NTRK3: variants seen among roughly 807,000 people sequenced by gnomAD.
NTRK3 encodes neurotrophic receptor tyrosine kinase 3.
A neutral mutation model predicts 91.7 loss-of-function variants in NTRK3; 24 were observed. That is an observed-to-expected ratio of 0.26 (90% CI 0.19 to 0.37). The LOEUF is 0.37. Ranked by LOEUF, NTRK3 falls within the 10% of genes least tolerant of loss-of-function variation. NTRK3 has a pLI of 1.00. For missense variants in NTRK3, 880 were observed against 1,068.9 expected (o/e 0.82, Z 2.46); for synonymous variants, 483 against 404.0 (o/e 1.20, Z -2.34).
At chr15:88,095,673 A>G (rs946640617) in intron 13 of NTRK3, among the ~76,000 whole-genome samples, 2 of 152,224 alleles carry the variant, frequency 1.3e-5, no homozygotes, top group African/African-American at 4.8e-5. Flanking sequence ...AACCCTCCCC[A>G]GGTTTAGAAG....
chr15:87,935,254 T>C (rs1244676863), intron 15 of NTRK3, among the ~76,000 whole-genome samples: 2 of 151,904 alleles, frequency 1.3e-5, no homozygotes, highest in Admixed American at 1.3e-4. Flanking sequence ...GCCAACAGAG[T>C]GGCTGAGCCC....
exon 19 of NTRK3, chr15:87,876,569 A>C (rs1265632706): frequency 4.4e-6 from 1 of 225,068 alleles, no homozygotes; most frequent in Non-Finnish European, 8.8e-6. Context: ...GCCACAGCTT[A>C]AGTCAAAGGG....
In NTRK3 at chr15:88,218,637, T is replaced by C. The variant is rs558475118; in HGVS notation, c.249-34338A>G. 3.3e-5 allele frequency among the ~76,000 whole-genome samples: 5 copies of C among 152,308 alleles called. No individual in the cohort carries two copies. The South Asian group carries it at 8.3e-4, about 25-fold the overall frequency. On this transcript the variant is annotated intron_variant, in intron 3 of 18. Coordinates refer to ENST00000394480, the Ensembl canonical transcript of NTRK3. ...CTGTGCACCACTCTTGGGCTCACAGTCTGACTGCAGGGCCTGGGGACCTTG... is the reference window on the plus strand; with the variant it reads ...CTGTGCACCACTCTTGGGCTCACAGCCTGACTGCAGGGCCTGGGGACCTTG...
intron 3 of NTRK3, among the ~76,000 whole-genome samples, chr15:88,216,235 G>A (rs2049754570): frequency 6.6e-6 from 1 of 152,166 alleles, no homozygotes; most frequent in East Asian, 1.9e-4. Context: ...TGACCTCAGA[G>A]GGACAGCCAC....
intron 3 of NTRK3, among the ~76,000 whole-genome samples, chr15:88,208,946 C>T (rs1288721664): frequency 2.0e-5 from 3 of 152,152 alleles, no homozygotes; most frequent in Non-Finnish European, 4.4e-5. Context: ...ATGTGCCAAG[C>T]ATCGTGCCCT....
At chr15:88,118,699 G>A (rs1314127795) in intron 13 of NTRK3, among the ~76,000 whole-genome samples, 2 of 152,204 alleles carry the variant, frequency 1.3e-5, no homozygotes, top group African/African-American at 2.4e-5. Flanking sequence ...ATTACTGTGA[G>A]AGCCAGCACT....
chr15:88,242,690 C>T (rs2052467020), intron 3 of NTRK3, among the ~76,000 whole-genome samples: 1 of 152,188 alleles, frequency 6.6e-6, no homozygotes, highest in South Asian at 2.1e-4. Flanking sequence ...AGACTCTCCT[C>T]CTCTTTGGGT....
intron 13 of NTRK3, among the ~76,000 whole-genome samples, chr15:88,037,002 T>TA (rs1309442961): frequency 6.6e-6 from 1 of 152,228 alleles, no homozygotes; most frequent in Non-Finnish European, 1.5e-5. Flanking sequence ...GCCTGGGATC[T>TA]AAAACAGTCT....
intron 14 of NTRK3, among the ~76,000 whole-genome samples, chr15:87,997,133 T>C (rs1271741875): frequency 1.3e-5 from 2 of 152,240 alleles, no homozygotes; most frequent in African/African-American, 2.4e-5. Context: ...AGTAACCTCC[T>C]GAGCTCAGTC....
At chr15:88,093,513 C>A (rs953976263) in intron 13 of NTRK3, among the ~76,000 whole-genome samples, 2 of 152,088 alleles carry the variant, frequency 1.3e-5, no homozygotes, top group African/African-American at 4.8e-5. Context: ...ATGAGGAAAC[C>A]CATTCCAGAC....
At chr15:87,986,055 C>T (rs779557992) in intron 14 of NTRK3, among the ~76,000 whole-genome samples, 1 of 152,194 alleles carries the variant, frequency 6.6e-6, no homozygotes, top group Admixed American at 6.5e-5. Context: ...TGGAGCAATA[C>T]TAGTCATATG....
intron 17 of NTRK3, 145 bp downstream of exon 17, chr15:87,929,046 C>T (rs1369928082): frequency 1.6e-6 from 2 of 1,225,172 alleles, no homozygotes; most frequent in Non-Finnish European, 2.4e-6. Flanking sequence ...GCAAGAGAGG[C>T]CAAAAGATAA....
chr15:88,251,429 C>T (rs1023300492), intron 3 of NTRK3, among the ~76,000 whole-genome samples: 9 of 152,366 alleles, frequency 5.9e-5, no homozygotes, highest in East Asian at 1.9e-4. Flanking sequence ...CCTGATGGAG[C>T]TCACAGGGAG....
At chr15:88,138,752 T>A (rs2042110377) in intron 6 of NTRK3, among the ~76,000 whole-genome samples, 1 of 152,224 alleles carries the variant, frequency 6.6e-6, no homozygotes, top group Non-Finnish European at 1.5e-5. Context: ...TTTCTAGAAT[T>A]TATCACTACT....
chr15:87,908,466 C>A lies in NTRK3; in HGVS notation c.2133+20725G>T, dbSNP rs1216685918. ...GACTGCCCTGCCCAGCCCCCTGGCC[C>A]CAGAAATCAAATCCAGACTCACTGT... On this transcript the variant is annotated intron_variant, in intron 17 of 18. Coordinates refer to ENST00000394480, the Ensembl canonical transcript of NTRK3. 7.5e-6 allele frequency: 3 copies of A among 399,902 alleles called. No individual in the cohort carries two copies. The East Asian group carries it at 1.1e-4, about 14-fold the overall frequency. 24.8% of individuals were successfully genotyped at this position (399,902 alleles called of 1,614,324 possible).
chr15:88,119,048 A>C (rs938517617), intron 13 of NTRK3, among the ~76,000 whole-genome samples: 1 of 152,222 alleles, frequency 6.6e-6, no homozygotes, highest in Admixed American at 6.5e-5. Flanking sequence ...TTTCAAGGGA[A>C]TTCCCTTTGA....
At chr15:88,085,259 T>C (rs1023730115) in intron 13 of NTRK3, among the ~76,000 whole-genome samples, 27 of 152,112 alleles carry the variant, frequency 1.8e-4, no homozygotes, top group African/African-American at 6.3e-4. Context: ...TATTTTAGAG[T>C]AATAGATGGG....
At chr15:87,999,578 A>G (rs1486551535) in intron 14 of NTRK3, among the ~76,000 whole-genome samples, 1 of 152,228 alleles carries the variant, frequency 6.6e-6, no homozygotes. Flanking sequence ...TTTCCCATGC[A>G]TCGAGCCATG....
At chr15:88,138,229 C>G (rs1377260802) in intron 6 of NTRK3, among the ~76,000 whole-genome samples, 2 of 151,164 alleles carry the variant, frequency 1.3e-5, no homozygotes, top group East Asian at 3.9e-4. Flanking sequence ...CTGTGAAACC[C>G]CCATCTCTAC....
Sources: gnomAD v4.1 joint callset for allele counts (sites outside exome capture counted in the v4.1 genomes callset) on GRCh38, gnomAD v4.1.1 for gene constraint, MANE v1.5 for transcripts, NCBI Gene and HGNC (gene_info 2026-07-23, HGNC 2026-07-21) for gene names.